The following CTNNA2 variants were observed in gnomAD, a reference collection of about 807,000 sequenced individuals.
The protein encoded by CTNNA2 is catenin alpha-2.
Under a neutral mutation model 101.0 loss-of-function variants are expected in CTNNA2, and 42 were observed. The ratio of observed to expected loss-of-function variants is 0.42; its 90% CI spans 0.32 to 0.54. The LOEUF (loss-of-function observed/expected upper bound fraction) is 0.54. Among genes scored for constraint, CTNNA2 ranks in the 20% least tolerant of loss-of-function variants. CTNNA2 has a pLI of 0.14. For synonymous variants in CTNNA2, 450 were observed against 456.4 expected (o/e 0.99, Z 0.18); for missense variants, 871 against 1,223.1 (o/e 0.71, Z 4.29).
chr2:80,481,859 G>A (rs555442498), intron 9 of CTNNA2, among the ~76,000 whole-genome samples: 2 of 152,044 alleles, frequency 1.3e-5, no homozygotes, highest in African/African-American at 4.8e-5. Flanking sequence ...TACTATAAAG[G>A]ACTTCATGCC....
At chr2:80,498,651 C>T (rs1054658832) in intron 9 of CTNNA2, among the ~76,000 whole-genome samples, 27 of 152,302 alleles carry the variant, frequency 1.8e-4, no homozygotes, top group Admixed American at 1.6e-3. Flanking sequence ...CTCAGATAAA[C>T]GGGCATCACA....
intron 7 of CTNNA2, among the ~76,000 whole-genome samples, chr2:80,269,837 T>G (rs866401703): frequency 6.6e-6 from 1 of 152,182 alleles, no homozygotes; most frequent in African/African-American, 2.4e-5. Flanking sequence ...ACTAAATAAC[T>G]GTGTTATTTA....
At chr2:80,483,335 CT>C (rs1686294323) in intron 9 of CTNNA2, among the ~76,000 whole-genome samples, 1 of 149,274 alleles carries the variant, frequency 6.7e-6, no homozygotes, top group African/African-American at 2.5e-5. Flanking sequence ...GATTTGCAGT[CT>C]CTTTTTGTCC....
At chr2:80,576,459 GC>G (rs1214286277) in intron 13 of CTNNA2, 2 of 150,132 alleles carry the variant, frequency 1.3e-5, no homozygotes, top group Non-Finnish European at 2.9e-5. Context: ...CCACAAAGTG[GC>G]TTAAAAATAT....
intron 9 of CTNNA2, among the ~76,000 whole-genome samples, chr2:80,495,914 T>C (rs1282187516): frequency 8.8e-6 from 1 of 114,160 alleles, no homozygotes. Flanking sequence ...CACTCCAGCC[T>C]GGGCGGCAGA....
At chr2:80,214,650 T>A (rs1308735554) in intron 7 of CTNNA2, among the ~76,000 whole-genome samples, 3 of 152,176 alleles carry the variant, frequency 2.0e-5, no homozygotes, top group African/African-American at 7.2e-5. Context: ...TGGGCTTCTC[T>A]TTGTGGGTAA....
intron 15 of CTNNA2, among the ~76,000 whole-genome samples, chr2:80,590,708 G>GT (rs919505421): frequency 2.8e-4 from 43 of 151,894 alleles, no homozygotes; most frequent in Middle Eastern, 3.4e-3. Context: ...TTTTAAAATT[G>GT]TTTTTTTTAC....
At chr2:79,261,447 TC>T (rs1258547934) in intron 2 of CTNNA2, among the ~76,000 whole-genome samples, 2 of 152,236 alleles carry the variant, frequency 1.3e-5, no homozygotes, top group Non-Finnish European at 2.9e-5. Flanking sequence ...GGTGTATTCA[TC>T]TGCTATATGA....
intron 18 of CTNNA2, among the ~76,000 whole-genome samples, chr2:80,647,110 C>G (rs1040730162): frequency 2.6e-5 from 4 of 152,000 alleles, no homozygotes; most frequent in African/African-American, 4.8e-5. Flanking sequence ...ACTCCAAGCT[C>G]AATTAACACC....
chr2:79,563,161 G>GTATATATATATATATATA (rs71385287), intron 1 of CTNNA2, among the ~76,000 whole-genome samples: 4 of 78,616 alleles, frequency 5.1e-5, no homozygotes, highest in African/African-American at 1.9e-4. Context: ...ATAAAGATGT[G>GTATATATATATATATATA]TATATATATA....
chr2:79,813,059 T>A (rs1677179862), intron 3 of CTNNA2, among the ~76,000 whole-genome samples: 1 of 152,136 alleles, frequency 6.6e-6, no homozygotes, highest in Admixed American at 6.5e-5. Flanking sequence ...GCAGTGACAG[T>A]TTTCCCATAG....
intron 15 of CTNNA2, among the ~76,000 whole-genome samples, chr2:80,589,893 T>C (rs965863772): frequency 6.8e-6 from 1 of 147,810 alleles, no homozygotes; most frequent in African/African-American, 2.5e-5. Flanking sequence ...TGTGTGTGTG[T>C]GTGTGTGTGT....
chr2:79,186,358 C>A (rs965875806), intron 1 of CTNNA2, among the ~76,000 whole-genome samples: 3 of 152,098 alleles, frequency 2.0e-5, no homozygotes, highest in African/African-American at 4.8e-5. Context: ...GAGGAGGTGA[C>A]AAGGATAAGA....
At chr2:80,306,612 A>G (rs147864692) in intron 7 of CTNNA2, among the ~76,000 whole-genome samples, 118 of 151,956 alleles carry the variant, frequency 7.8e-4, no homozygotes, top group Admixed American at 2.9e-3. Flanking sequence ...CAAATTCACC[A>G]TCAAGTGGTT....
chr2:79,767,646 G>C (rs1673260840), intron 3 of CTNNA2, among the ~76,000 whole-genome samples: 1 of 152,006 alleles, frequency 6.6e-6, no homozygotes, highest in Non-Finnish European at 1.5e-5. Flanking sequence ...AGAATTTTCT[G>C]TATTATTAGG....
At chr2:80,160,003 A>G (rs1319668792) in intron 7 of CTNNA2, among the ~76,000 whole-genome samples, 1 of 152,164 alleles carries the variant, frequency 6.6e-6, no homozygotes, top group Non-Finnish European at 1.5e-5. Flanking sequence ...AATTTTATGT[A>G]AGATGTAAAA....
At chr2:80,020,155 A>G (rs960534201) in intron 7 of CTNNA2, among the ~76,000 whole-genome samples, 4 of 152,214 alleles carry the variant, frequency 2.6e-5, no homozygotes, top group Admixed American at 6.6e-5. Context: ...CTTTGCAAAT[A>G]TGATATTTTC....
rs114417508 is a variant in CTNNA2 at position 79,791,344 on chromosome 2, C to T, written c.298+46762C>T. ...TTTCCCATTTCTCTCCCAGACATGC[C>T]TCAACCGATCCTTTTTACCTCTCCT... is the stretch of plus-strand genomic sequence containing the variant. On this transcript the variant is annotated intron_variant, in intron 3 of 18. Transcript: ENST00000402739. 2.5e-3 allele frequency among the ~76,000 whole-genome samples: 386 copies of T among 152,230 alleles called. 3 individuals are homozygous for T. Among genetic ancestry groups the T allele is most frequent in the African/African-American group, 9.0e-3 (374 of 41,538 alleles).
At chr2:79,687,582 G>A (rs1302709144) in intron 2 of CTNNA2, 7 of 701,072 alleles carry the variant, frequency 1.0e-5, no homozygotes, top group East Asian at 5.5e-5. Flanking sequence ...TTTTTCCACC[G>A]GATATTTCAA....
Sources: gnomAD v4.1 joint callset for allele counts (sites outside exome capture counted in the v4.1 genomes callset) on GRCh38, gnomAD v4.1.1 for gene constraint, MANE v1.5 for transcripts, NCBI Gene and HGNC (gene_info 2026-07-23, HGNC 2026-07-21) for gene names.